Variants in HIPK4 observed in about 807,000 individuals in gnomAD.
HIPK4 encodes homeodomain-interacting protein kinase 4.
Under a neutral mutation model 44.8 loss-of-function variants are expected in HIPK4, and 26 were observed. The ratio of observed to expected loss-of-function variants is 0.58; its 90% CI spans 0.43 to 0.80. The LOEUF is 0.80. Ranked by LOEUF, HIPK4 falls within the 30% of genes least tolerant of loss-of-function variation. HIPK4 has a pLI of 0.00. For synonymous variants in HIPK4, 340 were observed against 355.5 expected (o/e 0.96, Z 0.49); for missense variants, 729 against 862.6 (o/e 0.85, Z 1.94).
rs766701110 is a variant in HIPK4, at chr19:40,389,492, G to C, written c.411C>G (p.Leu137=). Residue 137 remains leucine (L), a synonymous_variant, in exon 1 of 4, where the codon CTC becomes CTG. Coordinates refer to ENST00000291823, the MANE Select transcript of HIPK4 (RefSeq NM_144685.5). The surrounding 1 kb of genome is among the most constrained non-coding windows in gnomAD (Gnocchi z 4.6). ...LKELAIIHAD[L]KPENIMLVDQ... The stretch of plus-strand genomic sequence containing the variant: ...CCACCAGCATGATGTTCTCAGGCTT[G>C]AGATCAGCGTGGATGATAGCCAGCT... 6.2e-7 allele frequency: 1 copy of C among 1,611,496 alleles called. No individual in the cohort carries two copies. Among genetic ancestry groups the C allele is most frequent in the African/African-American group, 1.3e-5 (1 of 74,848 alleles).
intron 1 of HIPK4, among the ~76,000 whole-genome samples, chr19:40,386,296 A>G (rs1016202008): frequency 6.6e-6 from 1 of 151,896 alleles, no homozygotes; most frequent in Non-Finnish European, 1.5e-5. Context: ...GACTCAGATG[A>G]TCTGCCCGCC....
In HIPK4 at chr19:40,380,658, T is replaced by C. The variant is rs753888671; in HGVS notation, c.1333A>G (p.Thr445Ala). 1.1e-5 allele frequency: 17 copies of C among 1,613,898 alleles called. No homozygotes were observed. The East Asian group carries it at 3.6e-4, about 34-fold the overall frequency. ...ATGTCGGAGACCGCATTGGTGCAGG[T>C]CTCACCCCACAGCCCATGCCCAGCC... The part of the protein sequence containing the change: ...QEAGHGLWGE[T>A]CTNAVSDMMV... The change falls in exon 3 of 4, where the codon ACC becomes GCC. Residue 445 changes from threonine (T) to alanine (A), a missense_variant. By Grantham distance (58) the Thr-to-Ala change is moderately conservative (BLOSUM62 0). Around this residue, in one of 2 missense-constraint regions of HIPK4, gnomAD observed 533 missense variants for 567.5 expected, o/e 0.94. Coordinates refer to ENST00000291823, the MANE Select transcript of HIPK4 (RefSeq NM_144685.5). This position sits in a 1 kb window ranked among gnomAD's most constrained non-coding sequence, Gnocchi z 4.2.
At chr19:40,381,784 CTTTTTTTT>C (rs55780075) in intron 2 of HIPK4, among the ~76,000 whole-genome samples, 15 of 72,326 alleles carry the variant, frequency 2.1e-4, no homozygotes, top group African/African-American at 3.2e-4. Flanking sequence ...CACTCAGATC[CTTTTTTTT>C]TTTTTTTTTT....
rs1470733934 is a variant in HIPK4 at position 40,379,579 on chromosome 19, A to C, written c.*8T>G. Reference sequence around the variant, plus strand: ...AGCCCCCAGTGATGGGCAGGGGTGGAATCACCATCAGTGGTGCCCGGTGAC... The same window carrying C: ...AGCCCCCAGTGATGGGCAGGGGTGGCATCACCATCAGTGGTGCCCGGTGAC... On this transcript the variant is annotated 3_prime_UTR_variant, in exon 4 of 4. Coordinates refer to ENST00000291823, the MANE Select transcript of HIPK4 (RefSeq NM_144685.5). The C allele has an allele frequency of 1.3e-6, 2 of 1,515,180 alleles. No individual in the cohort carries two copies. The highest frequency in any genetic ancestry group is 1.8e-6 in the Non-Finnish European group (2 of 1,132,248). 93.9% of individuals were successfully genotyped at this position (1,515,180 alleles called of 1,614,324 possible).
At position 40,379,635 on chromosome 19, in the gene HIPK4, T is replaced by C. The variant is rs2079319303; in HGVS notation, c.1803A>G (p.Pro601=). The C allele has an allele frequency of 1.3e-6, 2 of 1,556,112 alleles. No homozygotes were observed. The highest frequency in any genetic ancestry group is 1.7e-6 in the Non-Finnish European group (2 of 1,152,758). ...GGAGGAAGCTGGTGGCCCCCCGGGG[T>C]GGACCATGCTGGTGGGAGCGGCGGG... is the stretch of plus-strand genomic sequence containing the variant. ...LPPRRSHQHG[P]PRGATSFLQH... The change falls in exon 4 of 4, where the codon CCA becomes CCG. Residue 601 remains proline, a synonymous_variant. Transcript: ENST00000291823.
Position 40,390,136 on chromosome 19 carries a change from A to ATTT in HIPK4, c.-235_-234insAAA, listed in dbSNP as rs2079382279. 1.8e-6 allele frequency: 1 copy of ATTT among 561,380 alleles called. No homozygotes were observed. The highest frequency in any genetic ancestry group is 3.2e-6 in the Non-Finnish European group (1 of 312,976). 34.8% of individuals were successfully genotyped at this position (561,380 alleles called of 1,614,324 possible). ...TCCCCAGAAACCCTCCTGGCTTGGG[A>ATTT]TGAGGGGCCCCAGGCCCCACCGAAT... On this transcript the variant is annotated 5_prime_UTR_variant, in exon 1 of 4. Transcript: ENST00000291823.
chr19:40,389,150 C>T lies in HIPK4; in HGVS notation c.465+288G>A, dbSNP rs1599646342. On this transcript the variant is annotated intron_variant, in intron 1 of 3. Coordinates refer to ENST00000291823, the MANE Select transcript of HIPK4 (RefSeq NM_144685.5). The surrounding 1 kb of genome is among the most constrained non-coding windows in gnomAD (Gnocchi z 4.6). ...AACCAAGATCATGCCATCATCACCC[C>T]GTCTCTGATAAGTACAAAAAAAAAA... 4.0e-5 allele frequency among the ~76,000 whole-genome samples: 6 copies of T among 150,744 alleles called. No individual in the cohort carries two copies. In the South Asian group the frequency reaches 1.1e-3, roughly 27 times the overall value.
chr19:40,388,746 A>G (rs887355411), intron 1 of HIPK4, among the ~76,000 whole-genome samples: 1 of 152,218 alleles, frequency 6.6e-6, no homozygotes, highest in East Asian at 1.9e-4. Flanking sequence ...GACAGTATCA[A>G]ACTCAAAAGC....
chr19:40,383,011 C>A (rs2079344715), intron 2 of HIPK4, among the ~76,000 whole-genome samples: 1 of 149,368 alleles, frequency 6.7e-6, no homozygotes, highest in African/African-American at 2.5e-5. Flanking sequence ...CGCACCACTG[C>A]ACTCCAGCCT....
chr19:40,387,374 AC>A (rs2079368043), intron 1 of HIPK4, among the ~76,000 whole-genome samples: 2 of 152,154 alleles, frequency 1.3e-5, no homozygotes, highest in South Asian at 4.2e-4. Flanking sequence ...CAGCTGCGGA[AC>A]CAACATTGCG....
intron 1 of HIPK4, among the ~76,000 whole-genome samples, chr19:40,385,425 T>G (rs555640497): frequency 6.6e-6 from 1 of 152,282 alleles, no homozygotes; most frequent in South Asian, 2.1e-4. Flanking sequence ...AGTCAGACAT[T>G]CCCAGCTCAG....
Position 40,379,502 on chromosome 19 carries a change from A to T in HIPK4, c.*85T>A, listed in dbSNP as rs12460741. 9,743 of 1,133,634 alleles carry T rather than the reference A, an allele frequency of 8.6e-3. 432 individuals are homozygous for T. In the Admixed American group the frequency reaches 0.14, roughly 17 times the overall value. 70.2% of individuals were successfully genotyped at this position (1,133,634 alleles called of 1,614,324 possible). On this transcript the variant is annotated 3_prime_UTR_variant, in exon 4 of 4. Coordinates refer to ENST00000291823, the MANE Select transcript of HIPK4 (RefSeq NM_144685.5). Reference sequence around the variant, plus strand: ...TAAGAATAATTTGTGGGTTCAGGAGATGGCTCTGAGGAGCAGTTCAGGTTG... The same window carrying T: ...TAAGAATAATTTGTGGGTTCAGGAGTTGGCTCTGAGGAGCAGTTCAGGTTG...
In HIPK4 at chr19:40,379,549, A is replaced by G; in HGVS notation, c.*38T>C. The G allele has an allele frequency of 6.9e-7, 1 of 1,456,248 alleles. No individual in the cohort carries two copies. The allele number at this position is 1,456,248 out of a possible 1,614,324, so 90.2% of individuals were successfully genotyped here. A position where few individuals can be genotyped will look rare whatever the true frequency, so the allele number is the denominator to read the frequency against. On this transcript the variant is annotated 3_prime_UTR_variant, in exon 4 of 4. Transcript: ENST00000291823. Reference sequence around the variant, plus strand: ...GTTGGGAGGGAATGCCAGCCCAGCTAGCGCAGCCCCCAGTGATGGGCAGGG... The same window carrying G: ...GTTGGGAGGGAATGCCAGCCCAGCTGGCGCAGCCCCCAGTGATGGGCAGGG...
Sources: allele counts gnomAD v4.1 joint callset (sites outside exome capture counted in the v4.1 genomes callset), GRCh38; gene constraint gnomAD v4.1.1; regional missense constraint gnomAD v4.1.1; non-coding constraint Gnocchi (gnomAD v3.1); transcripts MANE v1.5; gene names NCBI Gene and HGNC (gene_info 2026-07-23, HGNC 2026-07-21).